Variants in LRRC47 observed in about 807,000 individuals in gnomAD.
LRRC47 encodes leucine rich repeat containing 47.
LRRC47 carries 31 observed loss-of-function variants against 40.9 expected under a neutral mutation model. The observed-to-expected ratio is 0.76, with a 90% confidence interval of 0.57 to 1.02. The LOEUF (loss-of-function observed/expected upper bound fraction) is 1.02, where lower values mean the gene tolerates loss of function less well. LRRC47 is among the 50% of genes least tolerant of loss of function. The pLI, the probability that LRRC47 is intolerant of heterozygous loss-of-function variation, is 0.00. For synonymous variants in LRRC47, 427 were observed against 371.9 expected (o/e 1.15, Z -1.70); for missense variants, 726 against 796.1 (o/e 0.91, Z 1.06).
intron 3 of LRRC47, 68 bp from the exon 4 acceptor site, chr1:3,784,179 C>A (rs749613632): frequency 1.5e-6 from 2 of 1,368,794 alleles, no homozygotes; most frequent in East Asian, 5.0e-5. Flanking sequence ...GTGTCGATTA[C>A]GGCCTTAAGC....
At position 3,796,452 on chromosome 1, in the gene LRRC47, ACT is replaced by A; in HGVS notation, c.23_24del (p.Glu8ValfsTer9). The A allele has an allele frequency of 2.0e-6, 3 of 1,517,096 alleles. No homozygotes were observed. Among genetic ancestry groups the A allele is most frequent in the Non-Finnish European group, 2.6e-6 (3 of 1,141,040 alleles). The allele number at this position is 1,517,096 out of a possible 1,614,324, so 94.0% of individuals were successfully genotyped here. A position where few individuals can be genotyped will look rare whatever the true frequency, so the allele number is the denominator to read the frequency against. On this transcript the variant is annotated frameshift_variant, in exon 1 of 7. Transcript: ENST00000378251. LOFTEE classifies it high-confidence loss of function. ...TCAGCCAGCTCCAGCTCCGGCCAAG[ACT>A]CTGACACCGCTGCCGCCGCCATGGC... MAAAAVS[E>X]SWPELELAER...
Position 3,786,900 on chromosome 1 carries a change from T to C in LRRC47, c.1026A>G (p.Arg342=), listed in dbSNP as rs1351006353. The part of the protein sequence containing the change: ...VRPYIVGAVV[R]GMDLQPGNAL... ...CATTCCCTGGCTGCAGGTCCATGCCTCGCACCACGGCCCCCACAATGTAGG... is the reference window on the plus strand; with the variant it reads ...CATTCCCTGGCTGCAGGTCCATGCCCCGCACCACGGCCCCCACAATGTAGG... Residue 342 remains arginine (R), a synonymous_variant, in exon 2 of 7, where the codon CGA becomes CGG. Coordinates refer to ENST00000378251, the MANE Select transcript of LRRC47 (RefSeq NM_020710.3). The C allele has an allele frequency of 6.2e-7, 1 of 1,606,014 alleles. No homozygotes were observed. Among genetic ancestry groups the C allele is most frequent in the Admixed American group, 1.7e-5 (1 of 59,268 alleles).
rs1447353108 is a variant in LRRC47, at chr1:3,781,049, C to T, written c.*39G>A. 1.3e-6 allele frequency: 2 copies of T among 1,595,992 alleles called. No homozygotes were observed. The highest frequency in any genetic ancestry group is 1.7e-6 in the Non-Finnish European group (2 of 1,168,460). ...CAGCATTGCCGCATAGAAACCTCCG[C>T]AAAACCGGCCAAACAAACGCGGACA... On this transcript the variant is annotated 3_prime_UTR_variant, in exon 7 of 7. Coordinates refer to ENST00000378251, the MANE Select transcript of LRRC47 (RefSeq NM_020710.3).
intron 2 of LRRC47, 52 bp from the exon 3 acceptor site, chr1:3,785,255 C>A: frequency 1.5e-6 from 2 of 1,333,214 alleles, no homozygotes; most frequent in East Asian, 2.8e-5. Context: ...TGAAGCCCAG[C>A]GAGGTGTCCA....
chr1:3,782,579 G>A, intron 5 of LRRC47, 82 bp downstream of exon 5: 2 of 859,422 alleles, frequency 2.3e-6, no homozygotes, highest in Non-Finnish European at 4.0e-6. Context: ...CCGGTGTTGA[G>A]CCACCACGCC....
intron 1 of LRRC47, among the ~76,000 whole-genome samples, chr1:3,795,544 G>C (rs1458474080): frequency 6.6e-6 from 1 of 152,210 alleles, no homozygotes; most frequent in African/African-American, 2.4e-5. Context: ...AGGTCTCTAC[G>C]CTCGATCTAC....
At chr1:3,782,996 C>T in intron 4 of LRRC47, 1 of 562,096 alleles carries the variant, frequency 1.8e-6, no homozygotes, top group Non-Finnish European at 3.2e-6. Context: ...AGGAGTGAAC[C>T]AGCCCAGGTC....
In LRRC47 at chr1:3,787,017, A is replaced by T. The variant is rs1236108401; in HGVS notation, c.909T>A (p.Asp303Glu). 1 of 1,611,638 alleles carries T rather than the reference A, an allele frequency of 6.2e-7. No individual in the cohort carries two copies. The highest frequency in any genetic ancestry group is 1.3e-5 in the African/African-American group (1 of 74,880). Residue 303 changes from aspartate to glutamate, a missense_variant, in exon 2 of 7, where the codon GAT (aspartate) becomes GAA (glutamate). Coordinates refer to ENST00000378251, the MANE Select transcript of LRRC47 (RefSeq NM_020710.3). The stretch of plus-strand genomic sequence containing the variant: ...GGACCCTGAGCAGCAGCCGGCCGGC[A>T]TCTCCCACGTCCTGCTCCTCCCCAT... ...GGDGEEQDVG[D>E]AGRLLLRVLH...
chr1:3,793,797 G>C (rs1215871761), intron 1 of LRRC47, among the ~76,000 whole-genome samples: 1 of 152,062 alleles, frequency 6.6e-6, no homozygotes, highest in Non-Finnish European at 1.5e-5. Flanking sequence ...CCCTATGATT[G>C]CACCTCAACC....
rs373550151 is a variant in LRRC47, at chr1:3,795,969, C to T, written c.508G>A (p.Ala170Thr). ...AGCGCGCCGGGGCGAAAGAGCTCGG[C>T]GGGAAAGGAGTCTAGGCAATTGCCG... ...LTGNCLDSFP[A>T]ELFRPGALPL... The change falls in exon 1 of 7, where the codon GCC (alanine) becomes ACC (threonine). Residue 170 changes from alanine to threonine, a missense_variant. Transcript: ENST00000378251. The T allele has an allele frequency of 3.2e-6, 5 of 1,585,694 alleles. No homozygotes were observed. The highest frequency in any genetic ancestry group is 4.3e-6 in the Non-Finnish European group (5 of 1,168,266).
Position 3,783,001 on chromosome 1 carries a change from CAGGTCAGAAA to C in LRRC47, c.1311-248_1311-239del, listed in dbSNP as rs201288659. The stretch of plus-strand genomic sequence containing the variant: ...CTGCCTAAAGAGGAGTGAACCAGCC[CAGGTCAGAAA>C]CAGAGCAGGACAAAAAGCTCCGGTG... On this transcript the variant is annotated intron_variant, in intron 4 of 6. Coordinates refer to ENST00000378251, the MANE Select transcript of LRRC47 (RefSeq NM_020710.3). The C allele has an allele frequency of 3.2e-3, 1,794 of 560,620 alleles. 28 individuals are homozygous for C. The highest frequency in any genetic ancestry group is 0.031 in the African/African-American group (1,650 of 53,124). The allele number at this position is 560,620 out of a possible 1,614,324, so 34.7% of individuals were successfully genotyped here. A position where few individuals can be genotyped will look rare whatever the true frequency, so the allele number is the denominator to read the frequency against.
chr1:3,795,920 G>C lies in LRRC47; in HGVS notation c.557C>G (p.Ala186Gly). The change falls in exon 1 of 7, where the codon GCT becomes GGT. Residue 186 changes from alanine (A) to glycine (G), a missense_variant. Coordinates refer to ENST00000378251, the MANE Select transcript of LRRC47 (RefSeq NM_020710.3). ...GAGTTCTCGGAGGCAGTTGTCAGCA[G>C]CCGCCAGTTCACTGAGCAGGGGCAG... is the stretch of plus-strand genomic sequence containing the variant. ...GALPLLSELA[A>G]ADNCLRELSP... The C allele has an allele frequency of 6.3e-7, 1 of 1,599,774 alleles. No homozygotes were observed. The highest frequency in any genetic ancestry group is 8.5e-7 in the Non-Finnish European group (1 of 1,177,100).
chr1:3,785,397 T>G (rs1643563212), intron 2 of LRRC47, 194 bp from the exon 3 acceptor site: 1 of 328,048 alleles, frequency 3.0e-6, no homozygotes, highest in African/African-American at 2.1e-5. Flanking sequence ...GCACTCACTT[T>G]GTGGAATCAC....
chr1:3,783,326 G>A (rs151222880), intron 4 of LRRC47, among the ~76,000 whole-genome samples: 3,196 of 150,082 alleles, frequency 0.021, 74 homozygotes, highest in East Asian at 0.11. Context: ...AGGCTGAGGC[G>A]GCAGAATCGC....
chr1:3,792,796 T>C (rs1643639685), intron 1 of LRRC47, among the ~76,000 whole-genome samples: 1 of 152,174 alleles, frequency 6.6e-6, no homozygotes, highest in Admixed American at 6.5e-5. Context: ...TCTATGAATT[T>C]GAAGAGAAAT....
At chr1:3,782,566 T>G (rs1643530613) in intron 5 of LRRC47, 95 bp downstream of exon 5, 2 of 772,826 alleles carry the variant, frequency 2.6e-6, no homozygotes, top group South Asian at 2.9e-5. Flanking sequence ...AATGCTGGGA[T>G]TACCGGTGTT....
rs1226824986 is a variant in LRRC47, at chr1:3,796,491, T to C, written c.-15A>G. ...GCCGCCGCCATGGCGCCTCAGCTGC[T>C]GGCAGGCACCCACCCACCAGGGTGC... On this transcript the variant is annotated 5_prime_UTR_variant, in exon 1 of 7. Coordinates refer to ENST00000378251, the MANE Select transcript of LRRC47 (RefSeq NM_020710.3). 2 of 1,498,358 alleles carry C rather than the reference T, an allele frequency of 1.3e-6. No individual in the cohort carries two copies. The highest frequency in any genetic ancestry group is 1.8e-6 in the Non-Finnish European group (2 of 1,132,930). 92.8% of individuals were successfully genotyped at this position (1,498,358 alleles called of 1,614,324 possible). A position where few individuals can be genotyped will look rare whatever the true frequency, so the allele number is the denominator to read the frequency against.
At chr1:3,794,352 T>C (rs1410851088) in intron 1 of LRRC47, among the ~76,000 whole-genome samples, 1 of 152,108 alleles carries the variant, frequency 6.6e-6, no homozygotes, top group Non-Finnish European at 1.5e-5. Context: ...AGTAACCATG[T>C]GTCACTCTAC....
Position 3,780,840 on chromosome 1 carries a change from G to C in LRRC47, c.*248C>G. The C allele has an allele frequency of 1.9e-6, 1 of 515,474 alleles. No individual in the cohort carries two copies. Among genetic ancestry groups the C allele is most frequent in the South Asian group, 2.4e-5 (1 of 41,938 alleles). 31.9% of individuals were successfully genotyped at this position (515,474 alleles called of 1,614,324 possible). A position where few individuals can be genotyped will look rare whatever the true frequency, so the allele number is the denominator to read the frequency against. On this transcript the variant is annotated 3_prime_UTR_variant, in exon 7 of 7. Transcript: ENST00000378251. ...AAAATACAAAAATTAGCTGAGCTTAGTGGCACACACCTGTAGTCCCAGCTA... is the reference window on the plus strand; with the variant it reads ...AAAATACAAAAATTAGCTGAGCTTACTGGCACACACCTGTAGTCCCAGCTA...
Sources: allele counts gnomAD v4.1 joint callset (sites outside exome capture counted in the v4.1 genomes callset), GRCh38; gene constraint gnomAD v4.1.1; transcripts MANE v1.5; gene names NCBI Gene and HGNC (gene_info 2026-07-23, HGNC 2026-07-21).